The following KIAA1217 variants were observed in gnomAD, a reference collection of about 807,000 sequenced individuals.
The protein encoded by KIAA1217 is KIAA1217, also known as sickle tail protein homolog.
KIAA1217 carries 88 observed loss-of-function variants against 163.9 expected under a neutral mutation model. The ratio of observed to expected loss-of-function variants is 0.54; its 90% CI spans 0.45 to 0.64. The LOEUF is 0.64. KIAA1217 is among the 30% of genes least tolerant of loss of function. The pLI is 0.00. For synonymous variants in KIAA1217, 903 were observed against 923.1 expected, an observed-to-expected ratio of 0.98 and a Z score of 0.39; for missense variants, 2,372 against 2,475.0, an observed-to-expected ratio of 0.96 and a Z score of 0.88.
intron 1 of KIAA1217, among the ~76,000 whole-genome samples, chr10:23,977,996 G>A (rs1845610117): frequency 6.6e-6 from 1 of 152,134 alleles, no homozygotes; most frequent in South Asian, 2.1e-4. Flanking sequence ...CCTAGTAATT[G>A]TAGAATAGAA....
At chr10:24,447,490 G>C (rs1362207212) in intron 5 of KIAA1217, among the ~76,000 whole-genome samples, 1 of 152,032 alleles carries the variant, frequency 6.6e-6, no homozygotes, top group African/African-American at 2.4e-5. Context: ...TGTGGTGTTT[G>C]GTTTTCTGTC....
In KIAA1217 at chr10:23,703,515, A is replaced by G. The variant is rs981595517; in HGVS notation, c.-321+8281A>G. On this transcript the variant is annotated intron_variant, in intron 1 of 18. Transcript: ENST00000376462. The stretch of plus-strand genomic sequence containing the variant: ...ATACGCTGGCTCTCTGCAGGGGGAA[A>G]AAAGCCCTGATTTGAACTGTTTGCC... Among the ~76,000 whole-genome samples, 4 of 152,184 alleles carry G rather than the reference A, an allele frequency of 2.6e-5. No homozygotes were observed. In the South Asian group the frequency reaches 8.3e-4, roughly 32 times the overall value.
intron 1 of KIAA1217, among the ~76,000 whole-genome samples, chr10:23,911,831 T>C (rs1179577780): frequency 6.6e-5 from 10 of 152,090 alleles, no homozygotes; most frequent in Non-Finnish European, 1.5e-5. Context: ...AGTAGGCAGG[T>C]GAGATGAGAG....
intron 2 of KIAA1217, among the ~76,000 whole-genome samples, chr10:24,059,818 G>C (rs2060653095): frequency 6.6e-6 from 1 of 152,134 alleles, no homozygotes; most frequent in African/African-American, 2.4e-5. Context: ...GCCCACCTCG[G>C]CCTCCCAAAG....
chr10:24,450,044 T>A (rs185986455), intron 5 of KIAA1217, among the ~76,000 whole-genome samples: 17 of 152,326 alleles, frequency 1.1e-4, no homozygotes, highest in Admixed American at 9.8e-4. Flanking sequence ...TAATTTGGAA[T>A]GGGATTTAAA....
At chr10:24,379,637 TC>T (rs1445629049) in intron 2 of KIAA1217, among the ~76,000 whole-genome samples, 1 of 152,176 alleles carries the variant, frequency 6.6e-6, no homozygotes, top group Non-Finnish European at 1.5e-5. Context: ...AAGCTGCTCA[TC>T]CCATTCTCAA....
At chr10:23,809,379 C>A (rs1042106040) in intron 1 of KIAA1217, among the ~76,000 whole-genome samples, 2 of 151,620 alleles carry the variant, frequency 1.3e-5, no homozygotes, top group South Asian at 4.2e-4. Flanking sequence ...ATTAAGATTC[C>A]ATGTGAAACT....
At chr10:24,030,442 T>A (rs1848144993) in intron 2 of KIAA1217, among the ~76,000 whole-genome samples, 1 of 152,156 alleles carries the variant, frequency 6.6e-6, no homozygotes, top group Non-Finnish European at 1.5e-5. Context: ...AGTGCCTGGC[T>A]TCCTCTTCGC....
At position 24,544,952 on chromosome 10, in the gene KIAA1217, C is replaced by T. The variant is rs375478740; in HGVS notation, c.5212-29C>T. ...GACCTACTCATGCGCTTCTCCTTCT[C>T]TTCCCCCTCTCACTGGTCCTTCCCA... On this transcript the variant is annotated intron_variant, in intron 19 of 20. Transcript: ENST00000376454. The T allele has an allele frequency of 3.7e-6, 6 of 1,608,246 alleles. No homozygotes were observed. In the African/African-American group the frequency reaches 6.7e-5, roughly 18 times the overall value.
intron 2 of KIAA1217, among the ~76,000 whole-genome samples, chr10:24,039,002 C>T (rs915577934): frequency 6.6e-6 from 1 of 152,144 alleles, no homozygotes; most frequent in African/African-American, 2.4e-5. Context: ...CCTTGGCCTT[C>T]CAAAGTGCTG....
chr10:24,100,201 T>C (rs998089993), intron 2 of KIAA1217, among the ~76,000 whole-genome samples: 4 of 151,984 alleles, frequency 2.6e-5, no homozygotes, highest in African/African-American at 7.2e-5. Flanking sequence ...GCTATTATGT[T>C]AGTTAGGTTG....
intron 1 of KIAA1217, among the ~76,000 whole-genome samples, chr10:23,970,026 T>G (rs1340169970): frequency 6.6e-6 from 1 of 152,182 alleles, no homozygotes; most frequent in African/African-American, 2.4e-5. Flanking sequence ...GAGAACAGTA[T>G]GGGGGAAACT....
chr10:24,112,338 A>C (rs528756697), intron 2 of KIAA1217, among the ~76,000 whole-genome samples: 7 of 152,180 alleles, frequency 4.6e-5, no homozygotes, highest in Non-Finnish European at 1.0e-4. Flanking sequence ...CCACCCAGGA[A>C]CAGATGGTCA....
chr10:23,797,875 C>A (rs1209474181), intron 1 of KIAA1217, among the ~76,000 whole-genome samples: 1 of 152,130 alleles, frequency 6.6e-6, no homozygotes, highest in Non-Finnish European at 1.5e-5. Context: ...GTCATTCATG[C>A]AGAAGAACAT....
At chr10:24,302,370 G>A (rs1309507356) in intron 2 of KIAA1217, among the ~76,000 whole-genome samples, 1 of 152,134 alleles carries the variant, frequency 6.6e-6, no homozygotes, top group Non-Finnish European at 1.5e-5. Context: ...CATTCTTCTT[G>A]ATCATAGTGT....
chr10:24,494,355 G>T lies in KIAA1217; in HGVS notation c.1680-145G>T. 4.6e-6 allele frequency: 3 copies of T among 654,884 alleles called. No homozygotes were observed. In the South Asian group the frequency reaches 5.3e-5, roughly 12 times the overall value. 40.6% of individuals were successfully genotyped at this position (654,884 alleles called of 1,614,324 possible). On this transcript the variant is annotated intron_variant, in intron 6 of 20. Transcript: ENST00000376454. Reference sequence around the variant, plus strand: ...ATCTTGACCTGAGCTAAGGATGTGCGGCTCTTCATGTTCCTGAGCCAGGTT... The same window carrying T: ...ATCTTGACCTGAGCTAAGGATGTGCTGCTCTTCATGTTCCTGAGCCAGGTT...
At chr10:24,151,292 T>A (rs1037585615) in intron 2 of KIAA1217, among the ~76,000 whole-genome samples, 24 of 151,872 alleles carry the variant, frequency 1.6e-4, no homozygotes, top group African/African-American at 5.3e-4. Context: ...TTTTATCTCA[T>A]TGAATCTTTA....
At chr10:23,701,820 C>A (rs1836470508) in intron 1 of KIAA1217, among the ~76,000 whole-genome samples, 1 of 152,126 alleles carries the variant, frequency 6.6e-6, no homozygotes, top group African/African-American at 2.4e-5. Flanking sequence ...AAGTTTAGTA[C>A]CTTATTACAT....
intron 1 of KIAA1217, among the ~76,000 whole-genome samples, chr10:23,876,454 A>G (rs1175573144): frequency 6.6e-6 from 1 of 151,906 alleles, no homozygotes; most frequent in Non-Finnish European, 1.5e-5. Flanking sequence ...CATGTAACAA[A>G]GCGGCACATG....
Sources: allele counts gnomAD v4.1 joint callset (sites outside exome capture counted in the v4.1 genomes callset), GRCh38; gene constraint gnomAD v4.1.1; transcripts MANE v1.5; gene names NCBI Gene and HGNC (gene_info 2026-07-23, HGNC 2026-07-21).